The following LSAMP variants were observed in gnomAD, a reference collection of about 807,000 sequenced individuals.
The protein encoded by LSAMP is limbic system-associated membrane protein.
Under a neutral mutation model 38.6 loss-of-function variants are expected in LSAMP, and 7 were observed. That is an observed-to-expected ratio of 0.18 (90% CI 0.10 to 0.34). LSAMP has a LOEUF of 0.34. LSAMP is among the 10% of genes least tolerant of loss of function. The pLI, the probability that LSAMP is intolerant of heterozygous loss-of-function variation, is 1.00. For missense variants in LSAMP, 313 were observed against 420.0 expected, an observed-to-expected ratio of 0.75 and a Z score of 2.23; for synonymous variants, 154 against 166.8, an observed-to-expected ratio of 0.92 and a Z score of 0.59.
chr3:116,350,624 C>T (rs540679105), intron 1 of LSAMP, among the ~76,000 whole-genome samples: 2 of 130,552 alleles, frequency 1.5e-5, no homozygotes, highest in Admixed American at 7.2e-5. Flanking sequence ...TGTCAAGGAA[C>T]CTTTTTTTTT....
At chr3:116,309,371 G>A (rs1237792610) in intron 1 of LSAMP, among the ~76,000 whole-genome samples, 1 of 152,098 alleles carries the variant, frequency 6.6e-6, no homozygotes, top group Admixed American at 6.6e-5. Flanking sequence ...GTGATAGTCT[G>A]CACTGTTCCA....
chr3:116,210,277 T>A (rs2046138115), intron 1 of LSAMP, among the ~76,000 whole-genome samples: 1 of 151,888 alleles, frequency 6.6e-6, no homozygotes, highest in Non-Finnish European at 1.5e-5. Context: ...GCCAAGGGAG[T>A]TTAACATTTG....
chr3:116,270,361 C>T (rs2046955083), intron 1 of LSAMP, among the ~76,000 whole-genome samples: 1 of 152,090 alleles, frequency 6.6e-6, no homozygotes, highest in Admixed American at 6.6e-5. Flanking sequence ...CTGCCCAGTA[C>T]AACTCAAGCA....
intron 3 of LSAMP, among the ~76,000 whole-genome samples, chr3:115,963,746 T>G (rs916557541): frequency 3.3e-5 from 5 of 152,322 alleles, no homozygotes; most frequent in African/African-American, 1.2e-4. Flanking sequence ...ATCCATTCTT[T>G]AATGTTGGTT....
intron 2 of LSAMP, among the ~76,000 whole-genome samples, chr3:116,039,925 C>T (rs1218552913): frequency 1.3e-5 from 2 of 152,138 alleles, no homozygotes; most frequent in East Asian, 1.9e-4. Flanking sequence ...CAACATACAT[C>T]GCTAAAGCCC....
At chr3:115,958,072 T>A (rs1344900679) in intron 3 of LSAMP, among the ~76,000 whole-genome samples, 1 of 152,148 alleles carries the variant, frequency 6.6e-6, no homozygotes, top group East Asian at 1.9e-4. Flanking sequence ...CATACTTACA[T>A]TAAAAAAATC....
chr3:116,233,621 C>T (rs2046430336), intron 1 of LSAMP, among the ~76,000 whole-genome samples: 1 of 151,978 alleles, frequency 6.6e-6, no homozygotes, highest in African/African-American at 2.4e-5. Flanking sequence ...TTATCCCCCT[C>T]TCCCTACTTC....
chr3:116,149,704 C>A (rs1709568408), intron 1 of LSAMP, among the ~76,000 whole-genome samples: 2 of 151,968 alleles, frequency 1.3e-5, no homozygotes, highest in South Asian at 4.1e-4. Context: ...GTTCATTTAT[C>A]TGAATATGTA....
intron 1 of LSAMP, among the ~76,000 whole-genome samples, chr3:116,202,526 C>T (rs967422669): frequency 2.0e-5 from 3 of 151,956 alleles, no homozygotes; most frequent in African/African-American, 7.3e-5. Context: ...CTCACTGCAG[C>T]CTCTACCACC....
intron 1 of LSAMP, among the ~76,000 whole-genome samples, chr3:116,151,307 A>C (rs1436265023): frequency 1.3e-5 from 2 of 152,008 alleles, no homozygotes; most frequent in African/African-American, 4.8e-5. Flanking sequence ...CAGTCATGGA[A>C]AGGACATAGT....
At chr3:116,266,681 A>G (rs915521534) in intron 1 of LSAMP, among the ~76,000 whole-genome samples, 1 of 152,160 alleles carries the variant, frequency 6.6e-6, no homozygotes, top group Admixed American at 6.6e-5. Flanking sequence ...CAGCCTGAAA[A>G]GATTGGCATT....
At chr3:116,365,171 AAAAC>A (rs1217576300) in intron 1 of LSAMP, among the ~76,000 whole-genome samples, 1 of 13,172 alleles carries the variant, frequency 7.6e-5, no homozygotes, top group Admixed American at 1.4e-3. Context: ...TTACAAGAAA[AAAAC>A]AAACAACCCC....
At chr3:115,975,357 C>T (rs561923723) in intron 3 of LSAMP, among the ~76,000 whole-genome samples, 10 of 152,278 alleles carry the variant, frequency 6.6e-5, no homozygotes, top group African/African-American at 2.4e-4. Context: ...ATACAGGTCT[C>T]GAACTAATGA....
At chr3:115,975,933 A>T (rs955290413) in intron 3 of LSAMP, among the ~76,000 whole-genome samples, 3 of 152,164 alleles carry the variant, frequency 2.0e-5, no homozygotes, top group Non-Finnish European at 4.4e-5. Context: ...TGGTTTTACC[A>T]TTCTCCCAGT....
At chr3:115,974,611 T>C (rs981895246) in intron 3 of LSAMP, among the ~76,000 whole-genome samples, 2 of 152,190 alleles carry the variant, frequency 1.3e-5, no homozygotes, top group African/African-American at 4.8e-5. Context: ...TGTGAGGTTT[T>C]AGTTAGTGCC....
chr3:116,200,542 C>G (rs939035835), intron 1 of LSAMP, among the ~76,000 whole-genome samples: 2 of 152,168 alleles, frequency 1.3e-5, no homozygotes, highest in Admixed American at 6.5e-5. Flanking sequence ...AGCTTCGAGA[C>G]AATCAGCTCA....
intron 1 of LSAMP, among the ~76,000 whole-genome samples, chr3:116,237,572 A>G (rs1171794295): frequency 6.6e-6 from 1 of 152,206 alleles, no homozygotes; most frequent in African/African-American, 2.4e-5. Flanking sequence ...TGTTATTACA[A>G]GGTATCTAGT....
chr3:115,901,315 T>C (rs1162188602), intron 3 of LSAMP, among the ~76,000 whole-genome samples: 1 of 152,090 alleles, frequency 6.6e-6, no homozygotes, highest in Non-Finnish European at 1.5e-5. Context: ...AATACATTTT[T>C]GTAGGTTTCA....
intron 1 of LSAMP, among the ~76,000 whole-genome samples, chr3:116,197,485 C>T (rs1485307195): frequency 6.6e-6 from 1 of 152,178 alleles, no homozygotes; most frequent in Non-Finnish European, 1.5e-5. Flanking sequence ...TAAGTTACAA[C>T]TCTACAGACT....
Sources: allele counts gnomAD v4.1 joint callset (sites outside exome capture counted in the v4.1 genomes callset), GRCh38; gene constraint gnomAD v4.1.1; transcripts MANE v1.5; gene names NCBI Gene and HGNC (gene_info 2026-07-23, HGNC 2026-07-21).